CDH3: variants seen among roughly 807,000 people sequenced by gnomAD.
The protein encoded by CDH3 is cadherin 3.
Under a neutral mutation model 82.0 loss-of-function variants are expected in CDH3, and 54 were observed. The observed-to-expected ratio is 0.66, with a 90% CI of 0.53 to 0.83. CDH3 has a LOEUF of 0.83. Ranked by LOEUF, CDH3 falls within the 40% of genes least tolerant of loss-of-function variation. The pLI, the probability that CDH3 is intolerant of heterozygous loss-of-function variation, is 0.00. For synonymous variants in CDH3, 446 were observed against 437.9 expected, an observed-to-expected ratio of 1.02 and a Z score of -0.23; for missense variants, 1,054 against 1,084.6, an observed-to-expected ratio of 0.97 and a Z score of 0.40.
At chr16:68,721,255 G>A (rs1297773254) in intron 1 of CDH3, among the ~76,000 whole-genome samples, 1 of 113,142 alleles carries the variant, frequency 8.8e-6, no homozygotes, top group African/African-American at 3.4e-5. Flanking sequence ...TTTTTGAGAT[G>A]GAGTCTCGCT....
At chr16:68,685,019 C>T (rs1056497546) in intron 10 of CDH3, among the ~76,000 whole-genome samples, 186 bp from the exon 11 acceptor site, 8 of 152,154 alleles carry the variant, frequency 5.3e-5, no homozygotes, top group African/African-American at 2.4e-5. Context: ...CTCACTCTGT[C>T]ATGTATCCCT....
chr16:68,671,521 C>CTTTTTTT (rs34475405), intron 2 of CDH3, among the ~76,000 whole-genome samples: 1 of 122,016 alleles, frequency 8.2e-6, no homozygotes, highest in Non-Finnish European at 1.7e-5. Flanking sequence ...TTCATTTTAC[C>CTTTTTTT]TTTTTTTTTT....
intron 2 of CDH3, among the ~76,000 whole-genome samples, chr16:68,652,886 A>G (rs1346052106): frequency 6.6e-6 from 1 of 152,176 alleles, no homozygotes; most frequent in Non-Finnish European, 1.5e-5. Flanking sequence ...GTTCTAGTTG[A>G]TTCTCATTGT....
At chr16:68,688,383 T>C (rs1012080392) in intron 12 of CDH3, among the ~76,000 whole-genome samples, 12 of 151,700 alleles carry the variant, frequency 7.9e-5, no homozygotes, top group African/African-American at 2.9e-4. Context: ...AGGTCAGGAG[T>C]TCGAGACCAG....
At chr16:68,673,957 T>C (rs1364142141) in intron 2 of CDH3, among the ~76,000 whole-genome samples, 1 of 152,186 alleles carries the variant, frequency 6.6e-6, no homozygotes, top group African/African-American at 2.4e-5. Flanking sequence ...CTTGGGTTGT[T>C]TCTACCTTTT....
At chr16:68,653,558 G>A (rs997436339) in intron 2 of CDH3, among the ~76,000 whole-genome samples, 8 of 151,906 alleles carry the variant, frequency 5.3e-5, no homozygotes, top group South Asian at 2.1e-4. Context: ...TTTATTATGT[G>A]CTTGGCCTCA....
chr16:68,670,597 C>T (rs1960861026), intron 2 of CDH3, among the ~76,000 whole-genome samples: 1 of 152,216 alleles, frequency 6.6e-6, no homozygotes, highest in Non-Finnish European at 1.5e-5. Context: ...GCTGGGACTA[C>T]ATCATGGTTT....
chr16:68,647,169 A>G (rs924027779), intron 2 of CDH3, among the ~76,000 whole-genome samples: 5 of 152,136 alleles, frequency 3.3e-5, no homozygotes, highest in Admixed American at 3.3e-4. Flanking sequence ...AACCTGTAAA[A>G]ATGTGAATTC....
intron 2 of CDH3, among the ~76,000 whole-genome samples, chr16:68,671,007 A>G (rs746005198): frequency 6.6e-6 from 1 of 152,110 alleles, no homozygotes; most frequent in Non-Finnish European, 1.5e-5. Context: ...CGGGAGGTGG[A>G]GGTTGCAGTA....
At chr16:68,703,278 C>T (rs1020659819), downstream of CDH3, among the ~76,000 whole-genome samples, 6 of 152,158 alleles carry the variant, frequency 3.9e-5, no homozygotes, top group South Asian at 6.2e-4. Context: ...CCCGAATTCC[C>T]GGCCCCCCAT....
Position 68,679,707 on chromosome 16 carries a change from AAAAAAAAAAAAG to A in CDH3, c.692-87_692-76del, listed in dbSNP as rs958463144. 5.4e-6 allele frequency: 4 copies of A among 746,340 alleles called. No individual in the cohort carries two copies. In the African/African-American group the frequency reaches 5.5e-5, roughly 10 times the overall value. 46.2% of individuals were successfully genotyped at this position (746,340 alleles called of 1,614,324 possible). On this transcript the variant is annotated intron_variant, in intron 6 of 15. Transcript: ENST00000264012. Reference sequence around the variant, plus strand: ...GAGACTTCATCTCAAAAAAAAAAAAAAAAAAAAAAAAGAAAAGAAAAAAAGAGTTCCAGAAGT... The same window carrying A: ...GAGACTTCATCTCAAAAAAAAAAAAAAAAAGAAAAAAAGAGTTCCAGAAGT...
chr16:68,721,852 G>A (rs1437022046), intron 1 of CDH3, among the ~76,000 whole-genome samples: 2 of 152,126 alleles, frequency 1.3e-5, no homozygotes, highest in African/African-American at 4.8e-5. Flanking sequence ...CACTTTGGGA[G>A]GCTGAGGCGG....
intron 1 of CDH3, among the ~76,000 whole-genome samples, chr16:68,714,505 C>G (rs1877172267): frequency 6.6e-6 from 1 of 152,172 alleles, no homozygotes; most frequent in Admixed American, 6.6e-5. Context: ...CCCCAGGAAG[C>G]CTTCTGGATT....
chr16:68,679,987 T>C lies in CDH3; in HGVS notation c.867+13T>C. 1.2e-6 allele frequency: 2 copies of C among 1,613,336 alleles called. No homozygotes were observed. The highest frequency in any genetic ancestry group is 1.7e-5 in the Admixed American group (1 of 60,022). On this transcript the variant is annotated intron_variant, in intron 7 of 15. Coordinates refer to ENST00000264012, the MANE Select transcript of CDH3 (RefSeq NM_001793.6). The stretch of plus-strand genomic sequence containing the variant: ...CCTGGACCGGGAAGTGAGTGGCCCT[T>C]AGGGAAAGTACTGCCTACCCAGACT...
At chr16:68,686,254 G>A (rs762837533) in intron 11 of CDH3, 55 of 610,568 alleles carry the variant, frequency 9.0e-5, no homozygotes, top group Non-Finnish European at 1.5e-4. Flanking sequence ...CGGGGCGAGC[G>A]GCAAGGGCTG....
At chr16:68,709,220 T>G (rs1161752291) in intron 1 of CDH3, among the ~76,000 whole-genome samples, 1 of 152,096 alleles carries the variant, frequency 6.6e-6, no homozygotes, top group Non-Finnish European at 1.5e-5. Flanking sequence ...GGACTACAGG[T>G]GTGTACCACC....
chr16:68,676,415 C>T lies in CDH3; in HGVS notation c.191C>T (p.Ala64Val), dbSNP rs1457966198. The T allele has an allele frequency of 5.0e-6, 8 of 1,613,934 alleles. No homozygotes were observed. The highest frequency in any genetic ancestry group is 6.8e-6 in the Non-Finnish European group (8 of 1,179,904). The change falls in exon 3 of 16, where the codon GCT becomes GTT. Residue 64 changes from alanine to valine, a missense_variant. By Grantham distance (64) the Ala-to-Val change is moderately conservative (BLOSUM62 0). Transcript: ENST00000264012. ...VFMGCPGQEP[A>V]LFSTDNDDFT... The stretch of plus-strand genomic sequence containing the variant: ...ATGGGCTGCCCTGGGCAAGAGCCAG[C>T]TCTGTTTAGCACTGATAATGATGAC...
chr16:68,661,238 T>A (rs17771965), intron 2 of CDH3, among the ~76,000 whole-genome samples: 52,085 of 152,092 alleles, frequency 0.34, 9,873 homozygotes, highest in East Asian at 0.61. Context: ...GAAATATATC[T>A]GTATTATAAT....
At chr16:68,651,111 C>T in intron 2 of CDH3, 1 of 433,078 alleles carries the variant, frequency 2.3e-6, no homozygotes, top group Non-Finnish European at 4.6e-6. Flanking sequence ...CCGAGGGAGC[C>T]CTGTTGGCCA....
Sources: allele counts gnomAD v4.1 joint callset (sites outside exome capture counted in the v4.1 genomes callset), GRCh38; gene constraint gnomAD v4.1.1; transcripts MANE v1.5; gene names NCBI Gene and HGNC (gene_info 2026-07-23, HGNC 2026-07-21).